The following CPA6 variants were observed in gnomAD, a reference collection of about 807,000 sequenced individuals.
CPA6 encodes the protein carboxypeptidase A6, also known as carboxypeptidase B.
CPA6 carries 58 observed loss-of-function variants against 63.3 expected under a neutral mutation model. The observed-to-expected ratio is 0.92, with a 90% confidence interval of 0.74 to 1.14. The LOEUF is 1.14. Among genes scored for constraint, CPA6 ranks in the 50% most tolerant of loss-of-function variants. The probability of loss-of-function intolerance (pLI) is 0.00; values close to 1 mark genes in which losing one functional copy is unlikely to be tolerated. For missense variants in CPA6, 565 were observed against 526.6 expected (o/e 1.07, Z -0.71); for synonymous variants, 185 against 179.0 (o/e 1.03, Z -0.27).
chr8:67,649,709 T>C (rs1472654642), intron 1 of CPA6, among the ~76,000 whole-genome samples: 3 of 152,168 alleles, frequency 2.0e-5, no homozygotes, highest in Non-Finnish European at 2.9e-5. Flanking sequence ...TAAGCCATGG[T>C]TGGCATGAGA....
chr8:67,607,183 CTTCTTCTTCTTCTTCTTCT>C (rs1814674174), intron 2 of CPA6, among the ~76,000 whole-genome samples: 3 of 26,086 alleles, frequency 1.2e-4, no homozygotes, highest in Non-Finnish European at 2.1e-4. Context: ...TCTTCTTCTT[CTTCTTCTTCTTCTTCTTCT>C]TCTTCTTCTT....
intron 8 of CPA6, among the ~76,000 whole-genome samples, chr8:67,466,475 T>C (rs1218155399): frequency 1.3e-5 from 2 of 152,184 alleles, no homozygotes; most frequent in African/African-American, 4.8e-5. Context: ...TCTGCTCTAA[T>C]TTTAGATTTT....
At chr8:67,494,705 G>T (rs548920405) in intron 6 of CPA6, among the ~76,000 whole-genome samples, 1 of 152,230 alleles carries the variant, frequency 6.6e-6, no homozygotes, top group East Asian at 1.9e-4. Context: ...ATTACTAGGC[G>T]ATCCTAAATA....
At chr8:67,548,631 A>G (rs759057744) in intron 2 of CPA6, among the ~76,000 whole-genome samples, 4 of 152,254 alleles carry the variant, frequency 2.6e-5, no homozygotes, top group Non-Finnish European at 5.9e-5. Context: ...GATTAAAATT[A>G]TATCCAGAAT....
At chr8:67,476,735 A>C (rs1811248673) in intron 8 of CPA6, among the ~76,000 whole-genome samples, 1 of 152,206 alleles carries the variant, frequency 6.6e-6, no homozygotes, top group Non-Finnish European at 1.5e-5. Flanking sequence ...CAGACACTGA[A>C]GTCAGTCAGA....
chr8:67,516,062 C>T (rs565950617), intron 3 of CPA6, among the ~76,000 whole-genome samples: 11 of 152,268 alleles, frequency 7.2e-5, no homozygotes, highest in African/African-American at 2.4e-4. Flanking sequence ...TCAACTTTCT[C>T]GCCACCCTGA....
intron 2 of CPA6, among the ~76,000 whole-genome samples, chr8:67,560,070 T>C (rs1174195961): frequency 1.3e-5 from 2 of 151,588 alleles, no homozygotes; most frequent in African/African-American, 4.9e-5. Context: ...AAATAAATGT[T>C]TATTGTTTAC....
chr8:67,617,788 CT>C (rs1564026072), intron 2 of CPA6, among the ~76,000 whole-genome samples: 1 of 152,192 alleles, frequency 6.6e-6, no homozygotes, highest in Non-Finnish European at 1.5e-5. Context: ...TTGGGCTTAT[CT>C]TCTCACTGCT....
intron 2 of CPA6, among the ~76,000 whole-genome samples, chr8:67,609,502 G>A (rs745461564): frequency 7.9e-5 from 12 of 152,096 alleles, no homozygotes; most frequent in Non-Finnish European, 1.0e-4. Flanking sequence ...GAAAGTCAAC[G>A]TTGAATATAT....
chr8:67,558,998 A>G (rs1282196287), intron 2 of CPA6, among the ~76,000 whole-genome samples: 3 of 152,142 alleles, frequency 2.0e-5, no homozygotes, highest in Non-Finnish European at 2.9e-5. Flanking sequence ...AAATTTTACC[A>G]CCCTGTCTAA....
chr8:67,646,036 G>A (rs1815706256), intron 1 of CPA6, among the ~76,000 whole-genome samples: 1 of 152,158 alleles, frequency 6.6e-6, no homozygotes, highest in Non-Finnish European at 1.5e-5. Flanking sequence ...AAATGGCTAA[G>A]ACTGGTGGGA....
chr8:67,568,097 C>T (rs184243391), intron 2 of CPA6, among the ~76,000 whole-genome samples: 64 of 152,220 alleles, frequency 4.2e-4, no homozygotes, highest in African/African-American at 1.3e-3. Context: ...TCTGTCTGCC[C>T]GGGGTCAGTA....
chr8:67,661,215 C>A (rs1351853540), intron 1 of CPA6, among the ~76,000 whole-genome samples: 4 of 152,106 alleles, frequency 2.6e-5, no homozygotes, highest in Non-Finnish European at 2.9e-5. Context: ...CAGAGGAAAG[C>A]CACATGGACC....
chr8:67,475,849 TTCTTTCTTTC>T, intron 8 of CPA6, among the ~76,000 whole-genome samples: 1 of 97,780 alleles, frequency 1.0e-5, no homozygotes, highest in African/African-American at 4.3e-5. Flanking sequence ...CTTTCTTTCT[TTCTTTCTTTC>T]TTTCTTTCTT....
chr8:67,463,930 G>A (rs537361287), intron 8 of CPA6, among the ~76,000 whole-genome samples: 52 of 152,238 alleles, frequency 3.4e-4, no homozygotes, highest in African/African-American at 1.3e-3. Context: ...ACTGTTGATG[G>A]GCATCTAGGT....
intron 8 of CPA6, among the ~76,000 whole-genome samples, chr8:67,467,886 T>TAAA (rs539603315): frequency 0.018 from 2,006 of 109,676 alleles, 63 homozygotes; most frequent in African/African-American, 0.063. Flanking sequence ...AAACCCCGTC[T>TAAA]AAAAAAAAAA....
At chr8:67,713,122 T>C (rs1450726248) in intron 1 of CPA6, among the ~76,000 whole-genome samples, 2 of 130,334 alleles carry the variant, frequency 1.5e-5, no homozygotes, top group African/African-American at 3.0e-5. Context: ...TATATATATA[T>C]ATATATATAT....
intron 1 of CPA6, among the ~76,000 whole-genome samples, chr8:67,637,611 A>G (rs1439754713): frequency 1.3e-5 from 2 of 151,496 alleles, no homozygotes; most frequent in African/African-American, 2.5e-5. Context: ...TGTGAGGAAA[A>G]GGGAAAGGAG....
intron 1 of CPA6, among the ~76,000 whole-genome samples, chr8:67,722,547 G>A (rs62511415): frequency 0.034 from 5,237 of 152,212 alleles, 121 homozygotes; most frequent in Non-Finnish European, 0.046. Flanking sequence ...TCACAGTACC[G>A]AACTTCTCTC....
Sources: allele counts gnomAD v4.1 joint callset (sites outside exome capture counted in the v4.1 genomes callset), GRCh38; gene constraint gnomAD v4.1.1; transcripts MANE v1.5; gene names NCBI Gene and HGNC (gene_info 2026-07-23, HGNC 2026-07-21).